The following IL1RL1 variants were observed in gnomAD, a reference collection of about 807,000 sequenced individuals.
IL1RL1 encodes interleukin 1 receptor like 1, also known as interleukin-1 receptor-like 1.
In IL1RL1, 32 loss-of-function variants were observed where a neutral mutation model predicts 50.9. That is an observed-to-expected ratio of 0.63 (90% CI 0.47 to 0.84). The LOEUF is 0.84. Among genes scored for constraint, IL1RL1 ranks in the 40% least tolerant of loss-of-function variants. The pLI is 0.00. For synonymous variants in IL1RL1, 275 were observed against 236.0 expected (o/e 1.17, Z -1.51); for missense variants, 773 against 662.9 (o/e 1.17, Z -1.82).
chr2:102,334,439 G>C (rs1677254708), intron 1 of IL1RL1, among the ~76,000 whole-genome samples: 1 of 152,060 alleles, frequency 6.6e-6, no homozygotes, highest in South Asian at 2.1e-4. Flanking sequence ...GAGCTGGGGG[G>C]CCCAGCATAT....
intron 1 of IL1RL1, among the ~76,000 whole-genome samples, chr2:102,330,703 C>T (rs932432604): frequency 6.6e-6 from 1 of 152,174 alleles, no homozygotes; most frequent in Non-Finnish European, 1.5e-5. Context: ...AGATACAAGT[C>T]TTTCATCTGA....
chr2:102,311,824 T>C (rs1676482577), intron 1 of IL1RL1, among the ~76,000 whole-genome samples: 1 of 97,072 alleles, frequency 1.0e-5, no homozygotes, highest in Admixed American at 1.6e-4. Flanking sequence ...TACAATTATA[T>C]AATATATATT....
chr2:102,323,631 A>G (rs966120174), intron 1 of IL1RL1, among the ~76,000 whole-genome samples: 1 of 152,066 alleles, frequency 6.6e-6, no homozygotes, highest in Non-Finnish European at 1.5e-5. Context: ...GCCAGCTCCC[A>G]TGGGAAGTAA....
chr2:102,315,394 C>T (rs1315893039), intron 1 of IL1RL1, among the ~76,000 whole-genome samples: 1 of 152,158 alleles, frequency 6.6e-6, no homozygotes, highest in African/African-American at 2.4e-5. Context: ...GCTGAAAGAA[C>T]CTCACACTAT....
At chr2:102,312,208 G>A (rs1676538041) in intron 1 of IL1RL1, among the ~76,000 whole-genome samples, 1 of 142,304 alleles carries the variant, frequency 7.0e-6, no homozygotes, top group Admixed American at 7.6e-5. Flanking sequence ...AACTTTAGCT[G>A]AATTAAATTT....
rs756926118 is a variant in IL1RL1 at position 102,340,846 on chromosome 2, A to C, written c.610+18A>C. 6.5e-7 allele frequency: 1 copy of C among 1,540,830 alleles called. No homozygotes were observed. Among genetic ancestry groups the C allele is most frequent in the African/African-American group, 1.4e-5 (1 of 70,310 alleles). The stretch of plus-strand genomic sequence containing the variant: ...GGTCAAGGGTAAGCTACTGACATTA[A>C]TGAGATAGAATACTACGTGAAAGAA... On this transcript the variant is annotated intron_variant, in intron 5 of 10. Coordinates refer to ENST00000233954, the MANE Select transcript of IL1RL1 (RefSeq NM_016232.5).
chr2:102,342,216 C>T lies in IL1RL1; in HGVS notation c.611-7C>T, dbSNP rs759510711. 2.8e-5 allele frequency: 44 copies of T among 1,594,826 alleles called. No individual in the cohort carries two copies. The highest frequency in any genetic ancestry group is 3.6e-5 in the Non-Finnish European group (42 of 1,163,360). ...TCCTAATATTTATATTTCTTTTTGTCTTTAAGATGAGCAAGGCTTTTCTCT... is the reference window on the plus strand; with the variant it reads ...TCCTAATATTTATATTTCTTTTTGTTTTTAAGATGAGCAAGGCTTTTCTCT... On this transcript the variant is annotated splice_polypyrimidine_tract_variant and splice_region_variant and intron_variant, in intron 5 of 10. Coordinates refer to ENST00000233954, the MANE Select transcript of IL1RL1 (RefSeq NM_016232.5).
chr2:102,322,933 A>T (rs770826707), intron 1 of IL1RL1, among the ~76,000 whole-genome samples: 154 of 151,972 alleles, frequency 1.0e-3, no homozygotes, highest in Non-Finnish European at 1.9e-3. Context: ...GCTTAGCATA[A>T]TTTTTCAGGA....
Position 102,339,048 on chromosome 2 carries a change from GTAT to G in IL1RL1, c.272+5_272+7del. On this transcript the variant is annotated splice_donor_variant and splice_donor_region_variant and intron_variant, in intron 3 of 10. Coordinates refer to ENST00000233954, the MANE Select transcript of IL1RL1 (RefSeq NM_016232.5). LOFTEE classifies it high-confidence loss of function. ...GTATTTATACCTGTATTGTCAGAAG[GTAT>G]TATGCAGAAGGCTCCCATCTTCTTT... is the stretch of plus-strand genomic sequence containing the variant. 1 of 1,604,574 alleles carries G rather than the reference GTAT, an allele frequency of 6.2e-7. No homozygotes were observed. The highest frequency in any genetic ancestry group is 1.4e-5 in the African/African-American group (1 of 73,206).
chr2:102,351,976 A>G lies in IL1RL1; in HGVS notation c.*55A>G, dbSNP rs1677950637. 6.5e-7 allele frequency: 1 copy of G among 1,528,022 alleles called. No individual in the cohort carries two copies. Among genetic ancestry groups the G allele is most frequent in the Non-Finnish European group, 8.8e-7 (1 of 1,130,652 alleles). 94.7% of individuals were successfully genotyped at this position (1,528,022 alleles called of 1,614,324 possible). ...GTTTGAAGCTTTCCTGACTTCTCCT[A>G]GCTGGCTTATGCCCCTGCACTGAAG... On this transcript the variant is annotated 3_prime_UTR_variant, in exon 11 of 11. Transcript: ENST00000233954.
chr2:102,333,202 G>A (rs1350035961), intron 1 of IL1RL1, among the ~76,000 whole-genome samples: 1 of 152,068 alleles, frequency 6.6e-6, no homozygotes, highest in Non-Finnish European at 1.5e-5. Flanking sequence ...TACTTAAGAG[G>A]GTACAAGTGG....
intron 1 of IL1RL1, among the ~76,000 whole-genome samples, chr2:102,325,569 G>A (rs1676973124): frequency 6.6e-6 from 1 of 152,132 alleles, no homozygotes; most frequent in Non-Finnish European, 1.5e-5. Context: ...AAAGGAGGAA[G>A]TTCGAACCCA....
At chr2:102,311,972 T>TATAA (rs573342856) in intron 1 of IL1RL1, among the ~76,000 whole-genome samples, 657 of 17,898 alleles carry the variant, frequency 0.037, 28 homozygotes, top group African/African-American at 0.15. Flanking sequence ...ATATATAATA[T>TATAA]TATATATAAT....
chr2:102,332,739 G>A (rs1219609562), intron 1 of IL1RL1, among the ~76,000 whole-genome samples: 2 of 152,202 alleles, frequency 1.3e-5, no homozygotes, highest in Non-Finnish European at 2.9e-5. Flanking sequence ...GATAGAGTTA[G>A]TGGTTGTACC....
At chr2:102,336,317 A>T (rs1340877071) in intron 1 of IL1RL1, among the ~76,000 whole-genome samples, 2 of 152,212 alleles carry the variant, frequency 1.3e-5, no homozygotes, top group Non-Finnish European at 2.9e-5. Context: ...AATGGGCATC[A>T]TAATAATAGC....
rs751566035 is a variant in IL1RL1, at chr2:102,338,830, T to C, written c.62-7T>C. The C allele has an allele frequency of 2.5e-6, 4 of 1,594,616 alleles. No homozygotes were observed. Among genetic ancestry groups the C allele is most frequent in the Non-Finnish European group, 2.6e-6 (3 of 1,162,902 alleles). ...TTCAGGATTGTCTTTATATCTTTTATTTGCAGGTAAACAATCATGGGGCCT... is the reference window on the plus strand; with the variant it reads ...TTCAGGATTGTCTTTATATCTTTTACTTGCAGGTAAACAATCATGGGGCCT... On this transcript the variant is annotated splice_region_variant and splice_polypyrimidine_tract_variant and intron_variant, in intron 2 of 10. Coordinates refer to ENST00000233954, the MANE Select transcript of IL1RL1 (RefSeq NM_016232.5).
At chr2:102,322,898 T>A (rs866763160) in intron 1 of IL1RL1, among the ~76,000 whole-genome samples, 1 of 152,214 alleles carries the variant, frequency 6.6e-6, no homozygotes, top group South Asian at 2.1e-4. Context: ...ATGTAATATG[T>A]AGTCTTCTGT....
At chr2:102,334,602 C>A (rs12712140) in intron 1 of IL1RL1, among the ~76,000 whole-genome samples, 72,122 of 151,220 alleles carry the variant, frequency 0.48, 17,383 homozygotes, top group Middle Eastern at 0.63. Flanking sequence ...GGAAAAAAAA[C>A]ATCCATCCCC....
At chr2:102,323,269 ATATAGTGTGT>A (rs1050347034) in intron 1 of IL1RL1, among the ~76,000 whole-genome samples, 1 of 38,490 alleles carries the variant, frequency 2.6e-5, no homozygotes, top group African/African-American at 8.3e-5. Context: ...ATATATATAT[ATATAGTGTGT>A]GTGTGTGTGT....
Sources: allele counts gnomAD v4.1 joint callset (sites outside exome capture counted in the v4.1 genomes callset), GRCh38; gene constraint gnomAD v4.1.1; transcripts MANE v1.5; gene names NCBI Gene and HGNC (gene_info 2026-07-23, HGNC 2026-07-21).